SLC22A14: variants seen among roughly 807,000 people sequenced by gnomAD.
SLC22A14 encodes organic cation transporter-like 4.
A neutral mutation model predicts 53.9 loss-of-function variants in SLC22A14; 50 were observed. That is an observed-to-expected ratio of 0.93 (90% CI 0.74 to 1.17). The LOEUF is 1.17. Among genes scored for constraint, SLC22A14 ranks in the 50% most tolerant of loss-of-function variants. The probability of loss-of-function intolerance (pLI) is 0.00; values close to 1 mark genes in which losing one functional copy is unlikely to be tolerated. For missense variants in SLC22A14, 671 were observed against 734.7 expected (o/e 0.91, Z 1.00); for synonymous variants, 312 against 303.0 (o/e 1.03, Z -0.31).
intron 10 of SLC22A14, among the ~76,000 whole-genome samples, chr3:38,316,760 C>G (rs1704634833): frequency 6.6e-6 from 1 of 152,220 alleles, no homozygotes. Context: ...TGGGCCATGT[C>G]GTCTCCTTTC....
chr3:38,283,089 A>G (rs1055792547), intron 1 of SLC22A14, among the ~76,000 whole-genome samples: 1 of 152,066 alleles, frequency 6.6e-6, no homozygotes, highest in Non-Finnish European at 1.5e-5. Flanking sequence ...AGCCTCCTGC[A>G]TTCCTTGGCT....
intron 1 of SLC22A14, among the ~76,000 whole-genome samples, chr3:38,294,923 G>A (rs1703993499): frequency 6.6e-6 from 1 of 152,222 alleles, no homozygotes; most frequent in African/African-American, 2.4e-5. Context: ...ATTCATTTCA[G>A]AGAGGGTGTA....
At chr3:38,283,641 C>T (rs1034451237) in intron 1 of SLC22A14, among the ~76,000 whole-genome samples, 2 of 152,116 alleles carry the variant, frequency 1.3e-5, no homozygotes, top group African/African-American at 4.8e-5. Context: ...ACCAGCCTGG[C>T]CAACATGGTG....
In SLC22A14 at chr3:38,297,357, G is replaced by T. The variant is rs149302186; in HGVS notation, c.1-8670G>T. 2.7e-3 allele frequency among the ~76,000 whole-genome samples: 405 copies of T among 152,282 alleles called. 2 individuals are homozygous for T. Among genetic ancestry groups the T allele is most frequent in the African/African-American group, 9.5e-3 (393 of 41,554 alleles). On this transcript the variant is annotated intron_variant, in intron 1 of 10. Coordinates refer to ENST00000448498, the MANE Select transcript of SLC22A14 (RefSeq NM_001320033.2). ...TCTTAGTCTCCTACAGTCTGGGAAA[G>T]TTCCTCAGCCTTTTTCATGCTTTAA... is the stretch of plus-strand genomic sequence containing the variant.
chr3:38,316,303 A>G, intron 9 of SLC22A14, 21 bp from the exon 10 acceptor site: 1 of 1,612,390 alleles, frequency 6.2e-7, no homozygotes, highest in Non-Finnish European at 8.5e-7. Context: ...CCCTCACAGG[A>G]GCTCTCACCT....
chr3:38,318,274 C>T lies in SLC22A14; in HGVS notation c.*25C>T. 7 of 1,604,090 alleles carry T rather than the reference C, an allele frequency of 4.4e-6. No individual in the cohort carries two copies. Among genetic ancestry groups the T allele is most frequent in the Non-Finnish European group, 6.0e-6 (7 of 1,170,826 alleles). The stretch of plus-strand genomic sequence containing the variant: ...AGGAAGCGGCCAAGAATGTCATTCT[C>T]AATGCCCAGATCCTGAGATTGGACC... On this transcript the variant is annotated 3_prime_UTR_variant, in exon 11 of 11. Transcript: ENST00000448498.
intron 4 of SLC22A14, 27 bp from the exon 5 acceptor site, chr3:38,308,927 G>T: frequency 1.2e-6 from 2 of 1,609,286 alleles, no homozygotes; most frequent in Non-Finnish European, 1.7e-6. Context: ...ACGTAACCAT[G>T]GTTTTGTCCT....
rs1243773417 is a variant in SLC22A14 at position 38,316,416 on chromosome 3, T to C, written c.1625T>C (p.Ile542Thr). 1 of 1,614,022 alleles carries C rather than the reference T, an allele frequency of 6.2e-7. No individual in the cohort carries two copies. Among genetic ancestry groups the C allele is most frequent in the African/African-American group, 1.3e-5 (1 of 74,914 alleles). ...AGCCAGACCCCCTCCCTCCTGCCCATCTTTCTCTGCTGCGTCTTAGCCATC... is the reference window on the plus strand; with the variant it reads ...AGCCAGACCCCCTCCCTCCTGCCCACCTTTCTCTGCTGCGTCTTAGCCATC... ...IISQTPSLLP[I>T]FLCCVLAIVA... Residue 542 changes from isoleucine (I) to threonine (T), a missense_variant, in exon 10 of 11, where the codon ATC becomes ACC. Physicochemically the swap from Ile to Thr is moderately conservative, Grantham distance 89 (BLOSUM62 -1). Coordinates refer to ENST00000448498, the MANE Select transcript of SLC22A14 (RefSeq NM_001320033.2).
At position 38,313,943 on chromosome 3, in the gene SLC22A14, T is replaced by C. The variant is rs756857648; in HGVS notation, c.1378+2T>C. 20 of 1,611,992 alleles carry C rather than the reference T, an allele frequency of 1.2e-5. No homozygotes were observed. The East Asian group carries it at 1.8e-4, about 14-fold the overall frequency. The stretch of plus-strand genomic sequence containing the variant: ...TGCTTCTCCTTTTCCTCCCTGAAGG[T>C]ACAGCTCATCCTTCCCCTGTGGCCT... On this transcript the variant is annotated splice_donor_variant, in intron 8 of 10. Coordinates refer to ENST00000448498, the MANE Select transcript of SLC22A14 (RefSeq NM_001320033.2). LOFTEE classifies it high-confidence loss of function.
At chr3:38,311,039 G>A (rs1704454353) in intron 5 of SLC22A14, among the ~76,000 whole-genome samples, 1 of 152,202 alleles carries the variant, frequency 6.6e-6, no homozygotes, top group Non-Finnish European at 1.5e-5. Context: ...GCCAGAGTGG[G>A]ATGGCAGATG....
In SLC22A14 at chr3:38,306,292, T is replaced by TA. The variant is rs1704300999; in HGVS notation, c.266_267insA (p.Phe89LeufsTer26). The TA allele has an allele frequency of 6.2e-7, 1 of 1,614,002 alleles. No individual in the cohort carries two copies. Among genetic ancestry groups the TA allele is most frequent in the African/African-American group, 1.3e-5 (1 of 74,880 alleles). ...GCCTTCTTCATGTTTGCTGACCACT[T>TA]CGTGTTCACAGCCCAGAAGCCCTAT... On this transcript the variant is annotated frameshift_variant, in exon 2 of 11. Transcript: ENST00000448498. LOFTEE classifies it high-confidence loss of function.
In SLC22A14 at chr3:38,307,578, C is replaced by T. The variant is rs141748526; in HGVS notation, c.633C>T (p.Tyr211=). The change falls in exon 4 of 11, where the codon TAC becomes TAT. Residue 211 remains tyrosine (Y), a synonymous_variant. Coordinates refer to ENST00000448498, the MANE Select transcript of SLC22A14 (RefSeq NM_001320033.2). This position sits in a 1 kb window ranked among gnomAD's most constrained non-coding sequence, Gnocchi z 4.4. ...TTGACACCTGTAGGATGGGCCGCTACCCTGCCATCCTGCTGTCACTGCTGG... is the reference window on the plus strand; with the variant it reads ...TTGACACCTGTAGGATGGGCCGCTATCCTGCCATCCTGCTGTCACTGCTGG... The part of the protein sequence containing the change: ...FRLITDKMGR[Y]PAILLSLLGL... The T allele has an allele frequency of 1.6e-4, 254 of 1,613,934 alleles. No homozygotes were observed. Among genetic ancestry groups the T allele is most frequent in the Non-Finnish European group, 2.0e-4 (241 of 1,179,972 alleles).
chr3:38,308,706 A>G (rs1159309117), intron 4 of SLC22A14, among the ~76,000 whole-genome samples: 1 of 152,216 alleles, frequency 6.6e-6, no homozygotes, highest in Non-Finnish European at 1.5e-5. Context: ...GTGCAGAGGG[A>G]GCAGCCAGGT....
At chr3:38,280,048 C>A (rs145520791), upstream of SLC22A14, among the ~76,000 whole-genome samples, 904 of 152,302 alleles carry the variant, frequency 5.9e-3, 4 homozygotes, top group Non-Finnish European at 8.8e-3. Flanking sequence ...CTGTGCAGTA[C>A]CTGCTTGCTG....
intron 5 of SLC22A14, among the ~76,000 whole-genome samples, chr3:38,312,053 C>T (rs1000195292): frequency 1.3e-5 from 2 of 152,088 alleles, no homozygotes; most frequent in Non-Finnish European, 2.9e-5. Context: ...AGGAGCAGGG[C>T]AGGTATAAGG....
intron 1 of SLC22A14, among the ~76,000 whole-genome samples, chr3:38,283,694 G>A (rs1302938815): frequency 1.3e-5 from 2 of 152,148 alleles, no homozygotes; most frequent in Admixed American, 1.3e-4. Flanking sequence ...GCCAGGCGTG[G>A]TGGCTTGCAC....
chr3:38,294,703 C>T lies in SLC22A14; in HGVS notation c.1-11324C>T, dbSNP rs571664667. Among the ~76,000 whole-genome samples, 283 of 152,184 alleles carry T rather than the reference C, an allele frequency of 1.9e-3. 1 individual carries two copies. Among genetic ancestry groups the T allele is most frequent in the African/African-American group, 6.6e-3 (272 of 41,526 alleles). On this transcript the variant is annotated intron_variant, in intron 1 of 10. Transcript: ENST00000448498. ...TGCTTATTGGATTAGTTATGCTCAC[C>T]GATGTAGCAGTCCTGCACCTGTTTT...
chr3:38,314,629 G>A (rs1257420501), intron 8 of SLC22A14, among the ~76,000 whole-genome samples: 1 of 152,226 alleles, frequency 6.6e-6, no homozygotes, highest in Non-Finnish European at 1.5e-5. Context: ...CACAGTCGCA[G>A]CAAGGGCAGG....
chr3:38,288,832 A>G (rs1321325059), intron 1 of SLC22A14, among the ~76,000 whole-genome samples: 1 of 152,168 alleles, frequency 6.6e-6, no homozygotes, highest in East Asian at 1.9e-4. Flanking sequence ...GGTATCTTTT[A>G]AAGTTTCCCG....
Sources: gnomAD v4.1 joint callset for allele counts (sites outside exome capture counted in the v4.1 genomes callset) on GRCh38, gnomAD v4.1.1 for gene constraint, Gnocchi (gnomAD v3.1) non-coding constraint, MANE v1.5 for transcripts, NCBI Gene and HGNC (gene_info 2026-07-23, HGNC 2026-07-21) for gene names.